Variants in ACOT9 observed in about 807,000 individuals in gnomAD.
ACOT9 encodes the protein acyl-coenzyme A thioesterase 9, mitochondrial.
In ACOT9, 34 loss-of-function variants were observed where a neutral mutation model predicts 39.7. The ratio of observed to expected loss-of-function variants is 0.86; its 90% CI spans 0.65 to 1.14. The LOEUF (loss-of-function observed/expected upper bound fraction) is 1.14, where lower values mean the gene tolerates loss of function less well. Ranked by LOEUF, ACOT9 falls within the 50% of genes most tolerant of loss-of-function variation. The pLI is 0.00. For missense variants in ACOT9, 313 were observed against 344.1 expected (o/e 0.91, Z 0.71); for synonymous variants, 110 against 120.5 (o/e 0.91, Z 0.57).
At chrX:23,726,615 T>A (rs1929532106) in intron 6 of ACOT9, among the ~76,000 whole-genome samples, 1 of 111,119 alleles carries the variant, frequency 9.0e-6, no homozygotes, top group Non-Finnish European at 1.9e-5. Flanking sequence ...AAGTGAGCTA[T>A]GAAGTAAGGA....
rs1929365315 is a variant in ACOT9 at position 23,722,724 on chromosome X, G to A, written c.430C>T (p.His144Tyr). 1.7e-6 allele frequency: 2 copies of A among 1,203,340 alleles called. No homozygotes were observed. The highest frequency in any genetic ancestry group is 2.3e-4 in the Middle Eastern group (1 of 4,330). Reference sequence around the variant, plus strand: ...GATAAAGGAGACATCTTGGCGGAGTGGATTTTGTTGTGCATGTAACAAATA... The same window carrying A: ...GATAAAGGAGACATCTTGGCGGAGTAGATTTTGTTGTGCATGTAACAAATA... The part of the protein sequence containing the change: ...VLICYMHNKI[H>Y]SAKMSPLSIV... The change falls in exon 7 of 16, where the codon CAC (histidine) becomes TAC (tyrosine). Residue 144 changes from histidine to tyrosine, a missense_variant. Transcript: ENST00000379303.
chrX:23,741,247 AAAT>A (rs1219072706), intron 1 of ACOT9, among the ~76,000 whole-genome samples: 3 of 110,432 alleles, frequency 2.7e-5, no homozygotes, highest in African/African-American at 9.9e-5. Context: ...CCATTTTGAA[AAAT>A]AATGAGGCAG....
In ACOT9 at chrX:23,702,071, TCACA is replaced by T. The variant is rs10694335; in HGVS notation, c.*1819_*1822del. On this transcript the variant is annotated 3_prime_UTR_variant, in exon 16 of 16. Transcript: ENST00000379303. ...TGGAGCGACAGAGTGAAACTCTGTC[TCACA>T]CACACACACACACACAAAAATACTT... Among the ~76,000 whole-genome samples, 1 of 105,322 alleles carries T rather than the reference TCACA, an allele frequency of 9.5e-6. No individual in the cohort carries two copies. The highest frequency in any genetic ancestry group is 3.1e-4 in the East Asian group (1 of 3,252). 91.5% of individuals were successfully genotyped at this position (105,322 alleles called of 115,157 possible).
At chrX:23,735,482 G>C (rs1164025922) in intron 2 of ACOT9, among the ~76,000 whole-genome samples, 1 of 110,676 alleles carries the variant, frequency 9.0e-6, no homozygotes, top group Non-Finnish European at 1.9e-5. Flanking sequence ...TAATTATAAC[G>C]AATACTCCTA....
intron 11 of ACOT9, among the ~76,000 whole-genome samples, chrX:23,706,336 G>A (rs917308991): frequency 4.6e-5 from 5 of 109,757 alleles, no homozygotes; most frequent in African/African-American, 1.7e-4. Context: ...GAGACAGGCA[G>A]ATCACCTGAG....
intron 1 of ACOT9, among the ~76,000 whole-genome samples, chrX:23,739,853 T>C (rs936275815): frequency 3.6e-5 from 4 of 109,629 alleles, no homozygotes; most frequent in African/African-American, 1.0e-4. Flanking sequence ...CTGCCAAACA[T>C]AGAATCAAAT....
intron 1 of ACOT9, among the ~76,000 whole-genome samples, chrX:23,739,905 T>C (rs1930075111): frequency 9.0e-6 from 1 of 111,110 alleles, no homozygotes; most frequent in South Asian, 3.8e-4. Context: ...AGAGAAACAC[T>C]TGGGCCAATT....
intron 8 of ACOT9, among the ~76,000 whole-genome samples, chrX:23,713,830 G>A (rs777250636): frequency 4.6e-4 from 51 of 110,722 alleles, no homozygotes; most frequent in Non-Finnish European, 7.7e-4. Flanking sequence ...CCAGGAAAGC[G>A]AGATCAGCCT....
Position 23,705,748 on chromosome X carries a change from T to A in ACOT9, c.933+20A>T, listed in dbSNP as rs1160485744. ...TGAACGGAAGCTATCCTATTCGGAT[T>A]TCTCACTAAATTATAATACCTGAGG... is the stretch of plus-strand genomic sequence containing the variant. On this transcript the variant is annotated intron_variant, in intron 12 of 15. Coordinates refer to ENST00000379303, the MANE Select transcript of ACOT9 (RefSeq NM_001037171.2). 5.1e-6 allele frequency: 6 copies of A among 1,184,930 alleles called. No individual in the cohort carries two copies. The African/African-American group carries it at 1.1e-4, about 21-fold the overall frequency.
At chrX:23,738,028 C>T (rs1279960305) in intron 1 of ACOT9, among the ~76,000 whole-genome samples, 2 of 106,563 alleles carry the variant, frequency 1.9e-5, no homozygotes, top group Non-Finnish European at 3.9e-5. Context: ...CCACCGCGCC[C>T]GGCTAATTTT....
At chrX:23,709,951 G>A (rs11094940) in intron 9 of ACOT9, among the ~76,000 whole-genome samples, 42,150 of 110,969 alleles carry the variant, frequency 0.38, 6,124 homozygotes, top group Non-Finnish European at 0.46. Context: ...GCAGTGGTGC[G>A]ACCTTGGCTC....
chrX:23,720,743 G>A (rs1315068682), intron 8 of ACOT9, among the ~76,000 whole-genome samples: 1 of 110,772 alleles, frequency 9.0e-6, no homozygotes, highest in Non-Finnish European at 1.9e-5. Context: ...CCAGTTTATG[G>A]TACTTTGTGG....
chrX:23,740,717 T>TAC (rs67075682), intron 1 of ACOT9, among the ~76,000 whole-genome samples: 1,144 of 92,003 alleles, frequency 0.012, 11 homozygotes, highest in Admixed American at 0.019. Flanking sequence ...CCCCAATACA[T>TAC]ACACACACAC....
intron 1 of ACOT9, among the ~76,000 whole-genome samples, chrX:23,736,884 T>C (rs1390212661): frequency 8.9e-6 from 1 of 112,179 alleles, no homozygotes; most frequent in African/African-American, 3.2e-5. Flanking sequence ...AATAAGTTGA[T>C]TTTGGTTCAT....
At chrX:23,730,495 A>G (rs763648608) in intron 6 of ACOT9, 32 bp downstream of exon 6, 2 of 1,109,368 alleles carry the variant, frequency 1.8e-6, no homozygotes, top group Non-Finnish European at 2.5e-6. Flanking sequence ...ATCTGTAGGT[A>G]TCTATTAGAA....
At chrX:23,707,728 A>G in intron 10 of ACOT9, 149 bp downstream of exon 10, 1 of 387,644 alleles carries the variant, frequency 2.6e-6, no homozygotes, top group Non-Finnish European at 4.4e-6. Flanking sequence ...AGACAGAGAG[A>G]CTCCATTTCA....
intron 10 of ACOT9, 61 bp from the exon 11 acceptor site, chrX:23,706,800 C>T (rs1928709034): frequency 1.5e-6 from 1 of 672,049 alleles, no homozygotes; most frequent in South Asian, 2.8e-5. Flanking sequence ...ACACGGTATT[C>T]TGACCTGGGA....
Position 23,735,921 on chromosome X carries a change from T to C in ACOT9, c.116A>G (p.Glu39Gly). The C allele has an allele frequency of 8.3e-7, 1 of 1,209,172 alleles. No homozygotes were observed. The highest frequency in any genetic ancestry group is 1.1e-6 in the Non-Finnish European group (1 of 893,853). Residue 39 changes from glutamate to glycine, a missense_variant and splice_region_variant, in exon 2 of 16, where the codon GAA becomes GGA. By Grantham distance (98) the Glu-to-Gly change is moderately conservative. Coordinates refer to ENST00000379303, the MANE Select transcript of ACOT9 (RefSeq NM_001037171.2). The part of the protein sequence containing the change: ...PKKQGIFHIH[E>G]ACSSIHVNHV... Reference sequence around the variant, plus strand: ...TCAAACAGAGACACCATGCTTGCCTTCATGAATGTGGAAGATTCCCTGTTT... The same window carrying C: ...TCAAACAGAGACACCATGCTTGCCTCCATGAATGTGGAAGATTCCCTGTTT...
intron 1 of ACOT9, among the ~76,000 whole-genome samples, chrX:23,739,595 C>G (rs1019462766): frequency 4.5e-5 from 5 of 111,158 alleles, no homozygotes; most frequent in Non-Finnish European, 9.4e-5. Flanking sequence ...CACTTGAGAC[C>G]AGTGTGGGCA....
Sources: gnomAD v4.1 joint callset for allele counts (sites outside exome capture counted in the v4.1 genomes callset) on GRCh38, gnomAD v4.1.1 for gene constraint, MANE v1.5 for transcripts, NCBI Gene and HGNC (gene_info 2026-07-23, HGNC 2026-07-21) for gene names.